The following CLSTN1 variants were observed in gnomAD, a reference collection of about 807,000 sequenced individuals.
The protein encoded by CLSTN1 is calsyntenin 1, also known as calsyntenin-1.
In CLSTN1, 28 loss-of-function variants were observed where a neutral mutation model predicts 108.3. That is an observed-to-expected ratio of 0.26 (90% CI 0.19 to 0.35). CLSTN1 has a LOEUF of 0.35. CLSTN1 is among the 10% of genes least tolerant of loss of function. CLSTN1 has a pLI of 1.00. For synonymous variants in CLSTN1, 524 were observed against 534.9 expected (o/e 0.98, Z 0.28); for missense variants, 1,157 against 1,302.6 (o/e 0.89, Z 1.72).
At position 9,729,834 on chromosome 1, in the gene CLSTN1, A is replaced by G. The variant is rs1472753194; in HGVS notation, c.*674T>C. 2 of 153,546 alleles carry G rather than the reference A, an allele frequency of 1.3e-5. No homozygotes were observed. The highest frequency in any genetic ancestry group is 4.8e-5 in the African/African-American group (2 of 41,266). 9.5% of individuals were successfully genotyped at this position (153,546 alleles called of 1,614,324 possible). ...CCTGTGGCCCCCGACTCCCAGCCATACTCAGACCTGAGCAGGGGCTGGGGC... is the reference window on the plus strand; with the variant it reads ...CCTGTGGCCCCCGACTCCCAGCCATGCTCAGACCTGAGCAGGGGCTGGGGC... On this transcript the variant is annotated 3_prime_UTR_variant, in exon 19 of 19. Coordinates refer to ENST00000377298, the MANE Select transcript of CLSTN1 (RefSeq NM_001009566.3).
intron 2 of CLSTN1, among the ~76,000 whole-genome samples, chr1:9,765,037 C>A (rs1485460534): frequency 6.6e-6 from 1 of 152,004 alleles, no homozygotes; most frequent in Non-Finnish European, 1.5e-5. Context: ...TTATTGCCTT[C>A]GATTAAGCTG....
chr1:9,775,134 A>G (rs1427189369), intron 1 of CLSTN1, among the ~76,000 whole-genome samples: 3 of 152,032 alleles, frequency 2.0e-5, no homozygotes, highest in East Asian at 1.9e-4. Context: ...CCTGTTTTAT[A>G]AGCAAGGTCT....
In CLSTN1 at chr1:9,823,430, G is replaced by A. The variant is rs1055751580; in HGVS notation, c.91+213C>T. On this transcript the variant is annotated intron_variant, in intron 1 of 18. Transcript: ENST00000377298. This position sits in a 1 kb window ranked among gnomAD's most constrained non-coding sequence, Gnocchi z 6.3. ...GCGCGCCCACAGTCTCCTGCGCCCT[G>A]GCCCCGGCTCCGCGAGCCCGACCCC... is the stretch of plus-strand genomic sequence containing the variant. 1.3e-5 allele frequency among the ~76,000 whole-genome samples: 2 copies of A among 152,058 alleles called. No homozygotes were observed. Among genetic ancestry groups the A allele is most frequent in the Non-Finnish European group, 2.9e-5 (2 of 67,978 alleles).
At chr1:9,788,076 G>A (rs1198433857) in intron 1 of CLSTN1, among the ~76,000 whole-genome samples, 2 of 151,212 alleles carry the variant, frequency 1.3e-5, no homozygotes, top group Admixed American at 6.7e-5. Context: ...CCAACCTGGC[G>A]AGACCCCGTC....
chr1:9,740,442 G>A (rs1200692082), intron 10 of CLSTN1, among the ~76,000 whole-genome samples: 1 of 152,160 alleles, frequency 6.6e-6, no homozygotes, highest in Non-Finnish European at 1.5e-5. Flanking sequence ...TGCTTCTGTG[G>A]GCCTGAGTTT....
Position 9,734,150 on chromosome 1 carries a change from A to G in CLSTN1, c.2111-8T>C. On this transcript the variant is annotated splice_region_variant and splice_polypyrimidine_tract_variant and intron_variant, in intron 14 of 18. Coordinates refer to ENST00000377298, the MANE Select transcript of CLSTN1 (RefSeq NM_001009566.3). The surrounding 1 kb of genome is among the most constrained non-coding windows in gnomAD (Gnocchi z 4.8). ...ACACCAGTGATTCTTGAACTGCAAA[A>G]GAGGCCCAACCAGAAATATTAAGTA... The G allele has an allele frequency of 6.2e-7, 1 of 1,613,810 alleles. No individual in the cohort carries two copies. The highest frequency in any genetic ancestry group is 8.5e-7 in the Non-Finnish European group (1 of 1,179,844).
In CLSTN1 at chr1:9,751,674, C is replaced by T; in HGVS notation, c.448G>A (p.Val150Ile). 1.2e-6 allele frequency: 2 copies of T among 1,614,092 alleles called. No individual in the cohort carries two copies. The highest frequency in any genetic ancestry group is 1.7e-6 in the Non-Finnish European group (2 of 1,180,008). The change falls in exon 5 of 19, where the codon GTT (valine) becomes ATT (isoleucine). Residue 150 changes from valine (V) to isoleucine (I), a missense_variant. Val to Ile is a conservative substitution (Grantham distance 29). Coordinates refer to ENST00000377298, the MANE Select transcript of CLSTN1 (RefSeq NM_001009566.3). ...TNVKKSHKAT[V>I]HIQVNDVNEY... ...TTCACGTCGTTCACCTGAATATGAA[C>T]AGTTGCTCTGGACAAAGGGAGGGAG...
At chr1:9,772,529 T>C (rs1319143638) in intron 2 of CLSTN1, among the ~76,000 whole-genome samples, 1 of 152,116 alleles carries the variant, frequency 6.6e-6, no homozygotes, top group Non-Finnish European at 1.5e-5. Flanking sequence ...AAATTAACTT[T>C]ACAATGTCAA....
intron 1 of CLSTN1, among the ~76,000 whole-genome samples, chr1:9,800,344 GA>G (rs1030524837): frequency 6.7e-6 from 1 of 149,438 alleles, no homozygotes; most frequent in African/African-American, 2.5e-5. Context: ...GGCTAACTAT[GA>G]AAAAAAAAGA....
chr1:9,745,215 C>A (rs180781145), intron 7 of CLSTN1, among the ~76,000 whole-genome samples: 187 of 126,086 alleles, frequency 1.5e-3, no homozygotes, highest in African/African-American at 5.6e-3. Flanking sequence ...GGCAACAGAG[C>A]GAGACTCCGT....
At chr1:9,797,393 G>A (rs1194105299) in intron 1 of CLSTN1, among the ~76,000 whole-genome samples, 1 of 152,198 alleles carries the variant, frequency 6.6e-6, no homozygotes, top group African/African-American at 2.4e-5. Flanking sequence ...CTATCCCTTT[G>A]GAGGCTAAGG....
At chr1:9,800,119 AG>A (rs1654191141) in intron 1 of CLSTN1, among the ~76,000 whole-genome samples, 1 of 152,004 alleles carries the variant, frequency 6.6e-6, no homozygotes, top group African/African-American at 2.4e-5. Flanking sequence ...TACATATATT[AG>A]AAAAAAAGAA....
At position 9,769,785 on chromosome 1, in the gene CLSTN1, A is replaced by G. The variant is rs141091526; in HGVS notation, c.214+3487T>C. Among the ~76,000 whole-genome samples, 1,387 of 151,990 alleles carry G rather than the reference A, an allele frequency of 9.1e-3. 15 individuals carry two copies. Among genetic ancestry groups the G allele is most frequent in the East Asian group, 0.043 (221 of 5,174 alleles). ...TGGCAGGGCGCGGTGGCTCACGCCT[A>G]TAATCCCAGCATTTTGGGAAGCCGA... On this transcript the variant is annotated intron_variant, in intron 2 of 18. Coordinates refer to ENST00000377298, the MANE Select transcript of CLSTN1 (RefSeq NM_001009566.3).
chr1:9,754,535 G>A (rs1651719967), intron 4 of CLSTN1, among the ~76,000 whole-genome samples: 1 of 151,990 alleles, frequency 6.6e-6, no homozygotes, highest in African/African-American at 2.4e-5. Flanking sequence ...CTCCAGCTTG[G>A]GTGAAACAGC....
At chr1:9,766,308 A>G (rs1218486228) in intron 2 of CLSTN1, among the ~76,000 whole-genome samples, 2 of 152,176 alleles carry the variant, frequency 1.3e-5, no homozygotes, top group Non-Finnish European at 2.9e-5. Context: ...CAAGGCCCCA[A>G]CCCTGTGGCC....
rs1650589152 is a variant in CLSTN1 at position 9,734,666 on chromosome 1, C to G, written c.2110+282G>C. On this transcript the variant is annotated intron_variant, in intron 14 of 18. Coordinates refer to ENST00000377298, the MANE Select transcript of CLSTN1 (RefSeq NM_001009566.3). The surrounding 1 kb of genome is among the most constrained non-coding windows in gnomAD (Gnocchi z 4.8). ...CATGGGCTGGCCAGCCTGGCAGGTG[C>G]AAGCAGTGTCTCCCGTAAGTGCCCT... 6.6e-6 allele frequency among the ~76,000 whole-genome samples: 1 copy of G among 151,852 alleles called. No homozygotes were observed. The highest frequency in any genetic ancestry group is 2.4e-5 in the African/African-American group (1 of 41,308).
intron 1 of CLSTN1, among the ~76,000 whole-genome samples, chr1:9,779,157 G>A (rs1404856942): frequency 2.6e-5 from 4 of 152,190 alleles, no homozygotes; most frequent in East Asian, 1.9e-4. Flanking sequence ...GGAGCTTTAC[G>A]CACAGACTGC....
In CLSTN1 at chr1:9,737,571, C is replaced by T; in HGVS notation, c.1520-17G>A. 1 of 1,613,016 alleles carries T rather than the reference C, an allele frequency of 6.2e-7. No individual in the cohort carries two copies. The highest frequency in any genetic ancestry group is 8.5e-7 in the Non-Finnish European group (1 of 1,179,032). On this transcript the variant is annotated splice_polypyrimidine_tract_variant and intron_variant, in intron 10 of 18. Transcript: ENST00000377298. ...CTGAAAACTCTGTGGAAAAGCAAGACAAAGACAATAGAAAAGGACTGAGAG... is the reference window on the plus strand; with the variant it reads ...CTGAAAACTCTGTGGAAAAGCAAGATAAAGACAATAGAAAAGGACTGAGAG...
chr1:9,743,951 A>T lies in CLSTN1; in HGVS notation c.1289T>A (p.Leu430His). 1 of 1,614,208 alleles carries T rather than the reference A, an allele frequency of 6.2e-7. No homozygotes were observed. The highest frequency in any genetic ancestry group is 8.5e-7 in the Non-Finnish European group (1 of 1,180,028). Reference sequence around the variant, plus strand: ...CTCCTCAGAAGGATCCTGACGGAAGAGGAAGATCAGCCGGCACCCGTGGAC... The same window carrying T: ...CTCCTCAGAAGGATCCTGACGGAAGTGGAAGATCAGCCGGCACCCGTGGAC... ...LYVHGCRLIF[L>H]FRQDPSEEKK... Residue 430 changes from leucine (L) to histidine (H), a missense_variant, in exon 9 of 19, where the codon CTC becomes CAC. Coordinates refer to ENST00000377298, the MANE Select transcript of CLSTN1 (RefSeq NM_001009566.3).
Sources: allele counts gnomAD v4.1 joint callset (sites outside exome capture counted in the v4.1 genomes callset), GRCh38; gene constraint gnomAD v4.1.1; non-coding constraint Gnocchi (gnomAD v3.1); transcripts MANE v1.5; gene names NCBI Gene and HGNC (gene_info 2026-07-23, HGNC 2026-07-21).